KANSL1L: variants seen among roughly 807,000 people sequenced by gnomAD.
The protein encoded by KANSL1L is KAT8 regulatory NSL complex subunit 1-like protein.
A neutral mutation model predicts 108.6 loss-of-function variants in KANSL1L; 25 were observed. That is an observed-to-expected ratio of 0.23 (90% CI 0.17 to 0.32). The LOEUF (loss-of-function observed/expected upper bound fraction) is 0.32. Among genes scored for constraint, KANSL1L ranks in the 10% least tolerant of loss-of-function variants. The pLI is 1.00. For missense variants in KANSL1L, 1,137 were observed against 1,125.7 expected (o/e 1.01, Z -0.14); for synonymous variants, 405 against 395.1 (o/e 1.03, Z -0.30).
At chr2:210,154,750 C>T (rs903533484) in intron 1 of KANSL1L, 139 bp from the exon 2 acceptor site, 13 of 444,756 alleles carry the variant, frequency 2.9e-5, no homozygotes, top group African/African-American at 2.6e-4. Context: ...CAACTCCCAA[C>T]ATTATTTCAA....
At chr2:210,059,578 C>T (rs1306561388) in intron 6 of KANSL1L, among the ~76,000 whole-genome samples, 3 of 152,166 alleles carry the variant, frequency 2.0e-5, no homozygotes, top group Non-Finnish European at 4.4e-5. Context: ...TATTTTCTCA[C>T]AGGAATATGT....
At chr2:210,130,872 CT>C (rs2095113747) in intron 2 of KANSL1L, among the ~76,000 whole-genome samples, 1 of 147,592 alleles carries the variant, frequency 6.8e-6, no homozygotes, top group Non-Finnish European at 1.5e-5. Flanking sequence ...AGAACTTTGG[CT>C]ACTAGGTGGA....
rs1457902728 is a variant in KANSL1L at position 210,104,296 on chromosome 2, T to C, written c.1236A>G (p.Ile412Met). ...GAAGCTGACATTCTTCTAGGACCAC[T>C]ATCCCCTAGACAAAAAACAATGAGA... The part of the protein sequence containing the change: ...IHRQIRASKG[I>M]VVLEECQLPK... Residue 412 changes from isoleucine (I) to methionine (M), a missense_variant, in exon 4 of 15, where the codon ATA becomes ATG. Transcript: ENST00000281772. 6.2e-7 allele frequency: 1 copy of C among 1,611,574 alleles called. No individual in the cohort carries two copies. Among genetic ancestry groups the C allele is most frequent in the Admixed American group, 1.7e-5 (1 of 59,912 alleles).
At chr2:210,065,161 T>C (rs1446697642) in intron 6 of KANSL1L, among the ~76,000 whole-genome samples, 1 of 151,032 alleles carries the variant, frequency 6.6e-6, no homozygotes, top group Admixed American at 6.6e-5. Flanking sequence ...TGTGTGGTGG[T>C]GGTGCCTGTA....
intron 6 of KANSL1L, among the ~76,000 whole-genome samples, chr2:210,067,716 C>CAAAAAAAAAAAAAAAAAAAA (rs569072484): frequency 1.1e-5 from 1 of 92,948 alleles, no homozygotes; most frequent in African/African-American, 4.6e-5. Context: ...ACCCTGTCTC[C>CAAAAAAAAAAAAAAAAAAAA]AAAAAAAAAA....
intron 1 of KANSL1L, among the ~76,000 whole-genome samples, chr2:210,166,978 G>A (rs1437236169): frequency 6.6e-6 from 1 of 151,928 alleles, no homozygotes; most frequent in Non-Finnish European, 1.5e-5. Context: ...GTACAGTCGT[G>A]CCACTGCATT....
At chr2:210,062,996 C>A (rs1436794923) in intron 6 of KANSL1L, among the ~76,000 whole-genome samples, 3 of 152,112 alleles carry the variant, frequency 2.0e-5, no homozygotes, top group Admixed American at 6.5e-5. Context: ...CATAGCAGCC[C>A]CTCCCATCAC....
rs1414280100 is a variant in KANSL1L, at chr2:210,079,672, GTGTATATA to G, written c.1551-3924_1551-3917del. The G allele has an allele frequency of 2.4e-4, 6 of 25,526 alleles. 2 individuals are homozygous for G. The highest frequency in any genetic ancestry group is 2.2e-3 in the Admixed American group (3 of 1,370). 1.6% of individuals were successfully genotyped at this position (25,526 alleles called of 1,614,324 possible). A position where few individuals can be genotyped will look rare whatever the true frequency, so the allele number is the denominator to read the frequency against. On this transcript the variant is annotated intron_variant, in intron 5 of 14. Transcript: ENST00000281772. ...TATATATATATATATATATGTATGT[GTGTATATA>G]TATATATATATGTATGTGTGTATAT...
At chr2:210,081,045 T>C (rs1381847971) in intron 5 of KANSL1L, among the ~76,000 whole-genome samples, 1 of 151,814 alleles carries the variant, frequency 6.6e-6, no homozygotes, top group East Asian at 2.0e-4. Context: ...AGGTGAAGGT[T>C]GCAGTGAGCC....
intron 8 of KANSL1L, among the ~76,000 whole-genome samples, chr2:210,036,482 T>A (rs1250448407): frequency 6.6e-6 from 1 of 151,986 alleles, no homozygotes; most frequent in Admixed American, 6.6e-5. Context: ...ACACTCAGCC[T>A]TCAAAGGTAT....
intron 11 of KANSL1L, chr2:210,028,620 A>T (rs989033652): frequency 2.6e-6 from 1 of 391,544 alleles, no homozygotes; most frequent in Non-Finnish European, 4.5e-6. Flanking sequence ...TAAGAATGCT[A>T]AAGTAGTCTA....
rs1344790012 is a variant in KANSL1L, at chr2:210,044,604, G to T, written c.1756-500C>A. ...TGCAGGGTTTGTTTTTTTTTGGGGG[G>T]GGTATGGTTCTTTATCAGAATATAT... On this transcript the variant is annotated intron_variant, in intron 6 of 14. Transcript: ENST00000281772. This position sits in a 1 kb window ranked among gnomAD's most constrained non-coding sequence, Gnocchi z 4.2. 2.0e-5 allele frequency among the ~76,000 whole-genome samples: 3 copies of T among 150,924 alleles called. No homozygotes were observed. Among genetic ancestry groups the T allele is most frequent in the African/African-American group, 7.3e-5 (3 of 41,086 alleles).
chr2:210,142,468 ATTGT>A (rs1013485904), intron 2 of KANSL1L, among the ~76,000 whole-genome samples: 1 of 151,522 alleles, frequency 6.6e-6, no homozygotes, highest in African/African-American at 2.4e-5. Context: ...AATCTTTTCT[ATTGT>A]TTTTCTAATA....
At chr2:210,111,277 T>G (rs2094902059) in intron 3 of KANSL1L, among the ~76,000 whole-genome samples, 1 of 151,956 alleles carries the variant, frequency 6.6e-6, no homozygotes, top group Non-Finnish European at 1.5e-5. Context: ...CAAATTATAG[T>G]ACAATCCTAC....
At chr2:210,088,377 A>G (rs2094659152) in intron 5 of KANSL1L, 1 of 152,270 alleles carries the variant, frequency 6.6e-6, no homozygotes, top group Admixed American at 6.5e-5. Flanking sequence ...ATTGGCAGAT[A>G]TGCCTGATCT....
At chr2:210,027,609 G>C (rs1379515179) in intron 11 of KANSL1L, among the ~76,000 whole-genome samples, 1 of 152,154 alleles carries the variant, frequency 6.6e-6, no homozygotes, top group Non-Finnish European at 1.5e-5. Context: ...ATTATGTACT[G>C]ACTGAAGTCA....
chr2:210,093,892 G>A (rs1340004077), intron 5 of KANSL1L, among the ~76,000 whole-genome samples: 1 of 152,048 alleles, frequency 6.6e-6, no homozygotes, highest in South Asian at 2.1e-4. Flanking sequence ...GCCTTAAAAA[G>A]GGAATTTTAA....
chr2:210,128,308 A>G (rs74823211), intron 3 of KANSL1L, among the ~76,000 whole-genome samples: 377 of 152,344 alleles, frequency 2.5e-3, no homozygotes, highest in African/African-American at 8.7e-3. Context: ...AGATATTTTT[A>G]TATCCATGTT....
chr2:210,087,851 ATTGGTCAATT>A (rs1350379354), intron 5 of KANSL1L, among the ~76,000 whole-genome samples: 1 of 152,182 alleles, frequency 6.6e-6, no homozygotes, highest in African/African-American at 2.4e-5. Flanking sequence ...AATACTACCA[ATTGGTCAATT>A]TGGGATTGAA....
Sources: gnomAD v4.1 joint callset for allele counts (sites outside exome capture counted in the v4.1 genomes callset) on GRCh38, gnomAD v4.1.1 for gene constraint, Gnocchi (gnomAD v3.1) non-coding constraint, MANE v1.5 for transcripts, NCBI Gene and HGNC (gene_info 2026-07-23, HGNC 2026-07-21) for gene names.